Variants in ADGRL2 observed in about 807,000 individuals in gnomAD.
ADGRL2 encodes adhesion G protein-coupled receptor L2.
In ADGRL2, 44 loss-of-function variants were observed where a neutral mutation model predicts 157.4. The ratio of observed to expected loss-of-function variants is 0.28; its 90% CI spans 0.22 to 0.36. The LOEUF (loss-of-function observed/expected upper bound fraction) is 0.36. ADGRL2 is among the 10% of genes least tolerant of loss of function. The probability of loss-of-function intolerance (pLI) is 1.00; values close to 1 mark genes in which losing one functional copy is unlikely to be tolerated. For missense variants in ADGRL2, 1,510 were observed against 1,768.9 expected (o/e 0.85, Z 2.63); for synonymous variants, 585 against 624.7 (o/e 0.94, Z 0.95).
Position 81,976,766 on chromosome 1 carries a change from T to C in ADGRL2, c.3022-3103T>C, listed in dbSNP as rs74098539. On this transcript the variant is annotated intron_variant, in intron 17 of 23. Coordinates refer to ENST00000686636, the MANE Select transcript of ADGRL2 (RefSeq NM_001366006.2). ...GAGTAGAAGCGTGGCCAATTGCTGA[T>C]TGTGGGATGCTAGTGTTTTACAAAG... Among the ~76,000 whole-genome samples the C allele has an allele frequency of 6.8e-3, 1,036 of 151,994 alleles. 10 individuals carry two copies. The highest frequency in any genetic ancestry group is 0.024 in the African/African-American group (999 of 41,506).
At chr1:81,624,052 C>T (rs12756272) in intron 3 of ADGRL2, among the ~76,000 whole-genome samples, 35,746 of 151,620 alleles carry the variant, frequency 0.24, 4,952 homozygotes, top group African/African-American at 0.36. Flanking sequence ...AGCAGTAAGC[C>T]CAGGAGTAGC....
At position 81,367,256 on chromosome 1, in the gene ADGRL2, G is replaced by A. The variant is rs185792369; in HGVS notation, c.-302+60747G>A. On this transcript the variant is annotated intron_variant, in intron 1 of 24. Coordinates refer to the ADGRL2 transcript ENST00000370721. The stretch of plus-strand genomic sequence containing the variant: ...GTTCCAGAGTACATATGCAGAATGT[G>A]CAGGTTTGTTACATACATAGGTAAA... Among the ~76,000 whole-genome samples the A allele has an allele frequency of 1.5e-4, 23 of 152,276 alleles. No homozygotes were observed. In the East Asian group the frequency reaches 4.3e-3, roughly 28 times the overall value.
upstream of ADGRL2, among the ~76,000 whole-genome samples, chr1:81,698,582 C>A (rs1279097493): frequency 6.6e-6 from 1 of 152,036 alleles, no homozygotes; most frequent in Non-Finnish European, 1.5e-5. Flanking sequence ...ATATTTGAGA[C>A]CAAATCAATC....
chr1:81,364,326 G>C (rs775037367), intron 1 of ADGRL2, among the ~76,000 whole-genome samples: 1 of 151,832 alleles, frequency 6.6e-6, no homozygotes, highest in East Asian at 1.9e-4. Context: ...GTTCTTCATA[G>C]GTATTTTCTG....
intron 1 of ADGRL2, among the ~76,000 whole-genome samples, chr1:81,405,631 CAA>C (rs35052629): frequency 1.1e-4 from 13 of 119,236 alleles, no homozygotes; most frequent in Admixed American, 1.7e-4. Context: ...GCCTGAATGA[CAA>C]AAAAAAAAAA....
chr1:81,436,698 T>C (rs2077416157), intron 1 of ADGRL2, among the ~76,000 whole-genome samples: 1 of 152,252 alleles, frequency 6.6e-6, no homozygotes, highest in Non-Finnish European at 1.5e-5. Context: ...TCCTTTATGA[T>C]CCATGATCCA....
intron 2 of ADGRL2, among the ~76,000 whole-genome samples, chr1:81,881,384 G>A (rs1431482764): frequency 6.6e-6 from 1 of 152,126 alleles, no homozygotes; most frequent in Non-Finnish European, 1.5e-5. Context: ...CACCATGTTA[G>A]CCAGGATGGT....
At chr1:81,752,437 A>G (rs1274925998) in intron 1 of ADGRL2, among the ~76,000 whole-genome samples, 1 of 152,244 alleles carries the variant, frequency 6.6e-6, no homozygotes, top group Non-Finnish European at 1.5e-5. Context: ...GCATTATAAT[A>G]ATGAAAGAAA....
intron 1 of ADGRL2, among the ~76,000 whole-genome samples, chr1:81,433,428 G>C (rs1158021647): frequency 2.0e-5 from 3 of 152,164 alleles, no homozygotes; most frequent in Non-Finnish European, 4.4e-5. Flanking sequence ...TATTCCAAGA[G>C]AAGTGTGCCC....
chr1:81,673,831 A>T (rs1160653613), intron 3 of ADGRL2, among the ~76,000 whole-genome samples: 1 of 152,082 alleles, frequency 6.6e-6, no homozygotes. Context: ...CTAGTTTTTT[A>T]AAAATTTTCC....
intron 2 of ADGRL2, among the ~76,000 whole-genome samples, chr1:81,456,394 A>G (rs2077808295): frequency 6.6e-6 from 1 of 151,534 alleles, no homozygotes; most frequent in South Asian, 2.1e-4. Context: ...AATTTTTTTA[A>G]TTTTTATTAT....
chr1:81,828,259 C>T (rs751983400), intron 1 of ADGRL2, among the ~76,000 whole-genome samples: 55 of 152,130 alleles, frequency 3.6e-4, no homozygotes, highest in Non-Finnish European at 6.3e-4. Flanking sequence ...GTCTGGTCCT[C>T]CATAGAAAGA....
Position 81,990,592 on chromosome 1 carries a change from G to A in ADGRL2, c.3857G>A (p.Ser1286Asn), listed in dbSNP as rs200002945. ...ELVHNNLRGS[S>N]KTHNLELTLP... Reference sequence around the variant, plus strand: ...GTGCACAACAACTTACGGGGCAGCAGCAAGACTCACAACCTCGAGCTCACG... The same window carrying A: ...GTGCACAACAACTTACGGGGCAGCAACAAGACTCACAACCTCGAGCTCACG... Residue 1286 changes from serine (S) to asparagine (N), a missense_variant, in exon 24 of 24, where the codon AGC (serine) becomes AAC (asparagine). This residue lies in a region of ADGRL2 where 327 missense variants were observed against 310.1 expected (regional missense o/e 1.05). Coordinates refer to ENST00000686636, the MANE Select transcript of ADGRL2 (RefSeq NM_001366006.2). 555 of 1,614,148 alleles carry A rather than the reference G, an allele frequency of 3.4e-4. 10 individuals are homozygous for A. In the South Asian group the frequency reaches 5.6e-3, roughly 16 times the overall value.
chr1:81,788,136 T>C (rs1479733514), intron 2 of ADGRL2, among the ~76,000 whole-genome samples: 1 of 152,224 alleles, frequency 6.6e-6, no homozygotes, highest in East Asian at 1.9e-4. Context: ...GAGTGATTCA[T>C]GGCACAAGAT....
At chr1:81,531,136 T>C (rs11163330) in intron 2 of ADGRL2, among the ~76,000 whole-genome samples, 46,978 of 151,144 alleles carry the variant, frequency 0.31, 8,042 homozygotes, top group East Asian at 0.51. Context: ...ATATGATGCA[T>C]GCCTGGTATG....
At chr1:81,343,708 G>C (rs1662256910) in intron 1 of ADGRL2, among the ~76,000 whole-genome samples, 2 of 150,032 alleles carry the variant, frequency 1.3e-5, no homozygotes, top group Admixed American at 1.3e-4. Context: ...GAGTGTGACA[G>C]AGAGAGAGAG....
intron 2 of ADGRL2, among the ~76,000 whole-genome samples, chr1:81,894,207 G>C (rs2094332482): frequency 6.6e-6 from 1 of 152,118 alleles, no homozygotes; most frequent in South Asian, 2.1e-4. Flanking sequence ...ATGTGTTAAG[G>C]ACACAGATAC....
At chr1:81,340,472 T>A (rs1661991405) in intron 1 of ADGRL2, among the ~76,000 whole-genome samples, 2 of 152,118 alleles carry the variant, frequency 1.3e-5, no homozygotes, top group African/African-American at 4.8e-5. Flanking sequence ...GTCATCTGAT[T>A]GGACTTTCCA....
At chr1:81,483,331 C>A (rs1241911000) in intron 2 of ADGRL2, among the ~76,000 whole-genome samples, 2 of 152,110 alleles carry the variant, frequency 1.3e-5, no homozygotes. Flanking sequence ...ATGAACTAGT[C>A]AAGGTGAAGA....
Sources: gnomAD v4.1 joint callset for allele counts (sites outside exome capture counted in the v4.1 genomes callset) on GRCh38, gnomAD v4.1.1 for gene constraint, gnomAD v4.1.1 regional missense constraint, MANE v1.5 for transcripts, NCBI Gene and HGNC (gene_info 2026-07-23, HGNC 2026-07-21) for gene names.